SESTD1: variants seen among roughly 807,000 people sequenced by gnomAD.
The protein encoded by SESTD1 is SEC14 and spectrin domain containing 1.
Under a neutral mutation model 101.7 loss-of-function variants are expected in SESTD1, and 43 were observed. That is an observed-to-expected ratio of 0.42 (90% CI 0.33 to 0.55). SESTD1 has a LOEUF of 0.55. Among genes scored for constraint, SESTD1 ranks in the 20% least tolerant of loss-of-function variants. The probability of loss-of-function intolerance (pLI) is 0.07; values close to 1 mark genes in which losing one functional copy is unlikely to be tolerated. For synonymous variants in SESTD1, 283 were observed against 286.8 expected (o/e 0.99, Z 0.13); for missense variants, 647 against 815.1 (o/e 0.79, Z 2.51).
chr2:179,233,073 A>T (rs572755336), intron 1 of SESTD1, among the ~76,000 whole-genome samples: 4 of 152,350 alleles, frequency 2.6e-5, no homozygotes, highest in African/African-American at 9.6e-5. Flanking sequence ...TCTAAGATGG[A>T]AATCAAACAA....
rs181928887 is a variant in SESTD1 at position 179,209,842 on chromosome 2, G to T, written c.-25-17976C>A. Among the ~76,000 whole-genome samples the T allele has an allele frequency of 1.5e-5, 2 of 132,032 alleles. 1 individual carries two copies. The highest frequency in any genetic ancestry group is 3.2e-5 in the Non-Finnish European group (2 of 61,750). 86.6% of individuals were successfully genotyped at this position (132,032 alleles called of 152,430 possible). On this transcript the variant is annotated intron_variant, in intron 1 of 17. Coordinates refer to ENST00000428443, the MANE Select transcript of SESTD1 (RefSeq NM_178123.5). Reference sequence around the variant, plus strand: ...GAACAAATGAAACCCAAACCCAGCAGAAGAAAAGAAATAAAGATCAGAGCA... The same window carrying T: ...GAACAAATGAAACCCAAACCCAGCATAAGAAAAGAAATAAAGATCAGAGCA...
chr2:179,200,426 A>C (rs1392317348), intron 1 of SESTD1, among the ~76,000 whole-genome samples: 3 of 151,860 alleles, frequency 2.0e-5, no homozygotes, highest in South Asian at 2.1e-4. Flanking sequence ...AACTACTTTA[A>C]AGTTCATATG....
At chr2:179,183,501 T>C (rs1049032354) in intron 2 of SESTD1, among the ~76,000 whole-genome samples, 4 of 152,074 alleles carry the variant, frequency 2.6e-5, no homozygotes, top group Admixed American at 2.6e-4. Context: ...CCCAGCACAG[T>C]AAGTATTTGC....
intron 9 of SESTD1, among the ~76,000 whole-genome samples, chr2:179,137,636 C>T (rs1456113973): frequency 6.6e-6 from 1 of 152,198 alleles, no homozygotes; most frequent in Non-Finnish European, 1.5e-5. Flanking sequence ...ACTGTAACAG[C>T]AGCAGCAGTA....
intron 5 of SESTD1, among the ~76,000 whole-genome samples, chr2:179,154,236 C>G (rs1490965184): frequency 8.1e-6 from 1 of 123,794 alleles, no homozygotes; most frequent in African/African-American, 3.1e-5. Flanking sequence ...AAGAAAAGAA[C>G]GGAAGGAAAG....
At chr2:179,262,062 T>C (rs2047490449) in intron 1 of SESTD1, among the ~76,000 whole-genome samples, 1 of 152,192 alleles carries the variant, frequency 6.6e-6, no homozygotes, top group South Asian at 2.1e-4. Context: ...TATTGATACA[T>C]GGTATAATAT....
In SESTD1 at chr2:179,104,617, C is replaced by G. The variant is rs947731071; in HGVS notation, c.*5282G>C. The G allele has an allele frequency of 2.6e-5, 4 of 152,206 alleles. No homozygotes were observed. Among genetic ancestry groups the G allele is most frequent in the South Asian group, 2.1e-4 (1 of 4,820 alleles). 9.4% of individuals were successfully genotyped at this position (152,206 alleles called of 1,614,324 possible). On this transcript the variant is annotated 3_prime_UTR_variant, in exon 18 of 18. Coordinates refer to ENST00000428443, the MANE Select transcript of SESTD1 (RefSeq NM_178123.5). ...ACTTCTAAGGTGCCTCCTGGAGATT[C>G]ACTGGGAACTGGCTGGAGTTCAATA...
In SESTD1 at chr2:179,104,745, T is replaced by C. The variant is rs755126778; in HGVS notation, c.*5154A>G. The C allele has an allele frequency of 3.9e-5, 6 of 152,108 alleles. No individual in the cohort carries two copies. The highest frequency in any genetic ancestry group is 8.8e-5 in the Non-Finnish European group (6 of 68,016). 9.4% of individuals were successfully genotyped at this position (152,108 alleles called of 1,614,324 possible). A position where few individuals can be genotyped will look rare whatever the true frequency, so the allele number is the denominator to read the frequency against. On this transcript the variant is annotated 3_prime_UTR_variant, in exon 18 of 18. Transcript: ENST00000428443. ...AACTACTTTCAGTTAAGAATTCCTA[T>C]AAAATTACATATAGGAATTATACAT...
At chr2:179,254,165 T>C (rs1325309072) in intron 1 of SESTD1, among the ~76,000 whole-genome samples, 1 of 151,640 alleles carries the variant, frequency 6.6e-6, no homozygotes, top group Non-Finnish European at 1.5e-5. Context: ...ATTCAAAAAA[T>C]AATTAACTTT....
At position 179,205,044 on chromosome 2, in the gene SESTD1, C is replaced by T. The variant is rs2046572193; in HGVS notation, c.-25-13178G>A. Reference sequence around the variant, plus strand: ...TATTTTTTTGAACTTATTTCTCCATCCTTCTCATCAATTCTGTAAATTATA... The same window carrying T: ...TATTTTTTTGAACTTATTTCTCCATTCTTCTCATCAATTCTGTAAATTATA... On this transcript the variant is annotated intron_variant, in intron 1 of 17. Coordinates refer to ENST00000428443, the MANE Select transcript of SESTD1 (RefSeq NM_178123.5). Among the ~76,000 whole-genome samples the T allele has an allele frequency of 1.5e-5, 2 of 134,678 alleles. 1 individual carries two copies. Among genetic ancestry groups the T allele is most frequent in the Non-Finnish European group, 3.2e-5 (2 of 62,672 alleles). The allele number at this position is 134,678 out of a possible 152,430, so 88.4% of individuals were successfully genotyped here. A position where few individuals can be genotyped will look rare whatever the true frequency, so the allele number is the denominator to read the frequency against.
At chr2:179,131,102 T>G (rs1413200614) in intron 10 of SESTD1, among the ~76,000 whole-genome samples, 1 of 152,126 alleles carries the variant, frequency 6.6e-6, no homozygotes, top group Non-Finnish European at 1.5e-5. Context: ...ATTCCAAATC[T>G]TGTAATATCT....
chr2:179,250,672 C>T (rs545595462), intron 1 of SESTD1, among the ~76,000 whole-genome samples: 60 of 147,746 alleles, frequency 4.1e-4, no homozygotes, highest in Non-Finnish European at 7.8e-4. Context: ...AGGGGCCACT[C>T]TAAAGACCCA....
intron 5 of SESTD1, among the ~76,000 whole-genome samples, chr2:179,170,814 G>T (rs1281959853): frequency 6.6e-6 from 1 of 152,148 alleles, no homozygotes; most frequent in Admixed American, 6.6e-5. Context: ...AGAGTTTCTG[G>T]GTTGATAAAC....
chr2:179,115,388 A>T (rs567203151), intron 15 of SESTD1, 132 bp from the exon 16 acceptor site: 98 of 616,898 alleles, frequency 1.6e-4, no homozygotes, highest in African/African-American at 1.6e-3. Context: ...ATCTAGTGGC[A>T]CTTATTACTA....
At chr2:179,260,209 T>C (rs537082353) in intron 1 of SESTD1, among the ~76,000 whole-genome samples, 2 of 152,320 alleles carry the variant, frequency 1.3e-5, no homozygotes, top group African/African-American at 4.8e-5. Context: ...TCAAGACTCT[T>C]ATGAGGTAGG....
intron 1 of SESTD1, among the ~76,000 whole-genome samples, chr2:179,209,177 T>C (rs1188212946): frequency 7.5e-6 from 1 of 134,048 alleles, no homozygotes; most frequent in Admixed American, 7.2e-5. Context: ...AATATCACCA[T>C]CCTAAATATA....
intron 1 of SESTD1, among the ~76,000 whole-genome samples, chr2:179,216,894 A>G (rs1350075168): frequency 7.0e-6 from 1 of 143,096 alleles, no homozygotes; most frequent in Non-Finnish European, 1.5e-5. Context: ...AGGATTCCCT[A>G]TTTAATAAAT....
intron 16 of SESTD1, among the ~76,000 whole-genome samples, chr2:179,114,147 A>G (rs2044575644): frequency 6.6e-6 from 1 of 151,692 alleles, no homozygotes; most frequent in African/African-American, 2.4e-5. Flanking sequence ...TAAACAAGTT[A>G]CACTATTTTG....
Position 179,264,775 on chromosome 2 carries a change from C to G in SESTD1, c.-302G>C, listed in dbSNP as rs1413179830. 2 of 151,660 alleles carry G rather than the reference C, an allele frequency of 1.3e-5. No homozygotes were observed. The highest frequency in any genetic ancestry group is 2.0e-4 in the East Asian group (1 of 5,074). 9.4% of individuals were successfully genotyped at this position (151,660 alleles called of 1,614,324 possible). A position where few individuals can be genotyped will look rare whatever the true frequency, so the allele number is the denominator to read the frequency against. ...GCGGCCCGAGCCGCGTCCGCGCGAC[C>G]CCGCGCGCGCCCGGGTGACGGCGGT... On this transcript the variant is annotated 5_prime_UTR_variant, in exon 1 of 18. Transcript: ENST00000428443.
Sources: gnomAD v4.1 joint callset for allele counts (sites outside exome capture counted in the v4.1 genomes callset) on GRCh38, gnomAD v4.1.1 for gene constraint, MANE v1.5 for transcripts, NCBI Gene and HGNC (gene_info 2026-07-23, HGNC 2026-07-21) for gene names.